The following R3HDM2 variants were observed in gnomAD, a reference collection of about 807,000 sequenced individuals.
R3HDM2 encodes the protein R3H domain containing 2.
R3HDM2 carries 38 observed loss-of-function variants against 124.5 expected under a neutral mutation model. The observed-to-expected ratio is 0.31, with a 90% CI of 0.24 to 0.40. The LOEUF is 0.40. Ranked by LOEUF, R3HDM2 falls within the 10% of genes least tolerant of loss-of-function variation. The probability of loss-of-function intolerance (pLI) is 1.00; values close to 1 mark genes in which losing one functional copy is unlikely to be tolerated. For missense variants in R3HDM2, 869 were observed against 1,236.9 expected, an observed-to-expected ratio of 0.70 and a Z score of 4.46; for synonymous variants, 391 against 448.0, an observed-to-expected ratio of 0.87 and a Z score of 1.61.
Position 57,277,623 on chromosome 12 carries a change from T to C in R3HDM2, c.1344+2735A>G, listed in dbSNP as rs113339727. ...CCACCACACCCAGCTAATTTCTGTA[T>C]TTTTAGTAGAGACGTTGTTTCACCA... On this transcript the variant is annotated intron_variant, in intron 14 of 23. Coordinates refer to ENST00000402412, the MANE Select transcript of R3HDM2 (RefSeq NM_001394031.1). Among the ~76,000 whole-genome samples the C allele has an allele frequency of 1.1e-3, 173 of 152,258 alleles. 3 individuals are homozygous for C. The highest frequency in any genetic ancestry group is 0.011 in the East Asian group (56 of 5,182).
intron 2 of R3HDM2, among the ~76,000 whole-genome samples, chr12:57,370,269 C>T (rs2063158455): frequency 6.6e-6 from 1 of 152,116 alleles, no homozygotes; most frequent in Non-Finnish European, 1.5e-5. Flanking sequence ...ACATACATGC[C>T]TGCTTCCCTT....
chr12:57,288,064 G>A (rs900054389), intron 12 of R3HDM2, among the ~76,000 whole-genome samples: 12 of 147,772 alleles, frequency 8.1e-5, no homozygotes, highest in Admixed American at 1.4e-4. Context: ...TGCTCAGGCC[G>A]GATGGAGTGC....
At chr12:57,420,630 C>T (rs183969929) in intron 1 of R3HDM2, among the ~76,000 whole-genome samples, 1 of 151,374 alleles carries the variant, frequency 6.6e-6, no homozygotes, top group Non-Finnish European at 1.5e-5. Flanking sequence ...ATTGGGATTA[C>T]GGGCGTGAGC....
At chr12:57,408,701 T>C (rs994176581) in intron 1 of R3HDM2, among the ~76,000 whole-genome samples, 5 of 152,104 alleles carry the variant, frequency 3.3e-5, no homozygotes, top group Non-Finnish European at 5.9e-5. Context: ...AAATTTTCCA[T>C]AGTAAAATGT....
intron 14 of R3HDM2, among the ~76,000 whole-genome samples, chr12:57,273,048 T>C (rs1490314548): frequency 6.6e-6 from 1 of 152,116 alleles, no homozygotes; most frequent in African/African-American, 2.4e-5. Flanking sequence ...GCTCAGCTGC[T>C]CCTGATTTCA....
chr12:57,330,575 C>T (rs376739347), intron 2 of R3HDM2, among the ~76,000 whole-genome samples: 2 of 150,774 alleles, frequency 1.3e-5, no homozygotes, highest in South Asian at 4.2e-4. Context: ...GAACTCCTGA[C>T]CTCAGGTGAT....
At position 57,338,514 on chromosome 12, in the gene R3HDM2, C is replaced by T. The variant is rs1025505179; in HGVS notation, c.-35-28051G>A. On this transcript the variant is annotated intron_variant, in intron 2 of 23. Transcript: ENST00000402412. Reference sequence around the variant, plus strand: ...AAGTGATCCTCCTGCCTCAGCCTCCCGAGTAACTGGGACTACAGGCGTGAG... The same window carrying T: ...AAGTGATCCTCCTGCCTCAGCCTCCTGAGTAACTGGGACTACAGGCGTGAG... 9.9e-5 allele frequency among the ~76,000 whole-genome samples: 15 copies of T among 152,120 alleles called. 1 individual carries two copies. Among genetic ancestry groups the T allele is most frequent in the Admixed American group, 5.2e-4 (8 of 15,270 alleles).
At chr12:57,312,305 A>ATT (rs201583405) in intron 2 of R3HDM2, among the ~76,000 whole-genome samples, 7 of 133,098 alleles carry the variant, frequency 5.3e-5, no homozygotes, top group Admixed American at 7.7e-5. Context: ...CTGCTTTGTG[A>ATT]TTTTTTTTTT....
At chr12:57,388,163 C>T (rs888965460) in intron 2 of R3HDM2, among the ~76,000 whole-genome samples, 11 of 151,794 alleles carry the variant, frequency 7.2e-5, no homozygotes, top group African/African-American at 2.4e-4. Flanking sequence ...TGGGGTTTCA[C>T]CATGTTGGCC....
rs972659374 is a variant in R3HDM2, at chr12:57,278,676, G to A, written c.1344+1682C>T. Among the ~76,000 whole-genome samples, 4 of 152,298 alleles carry A rather than the reference G, an allele frequency of 2.6e-5. No homozygotes were observed. The East Asian group carries it at 5.8e-4, about 22-fold the overall frequency. The stretch of plus-strand genomic sequence containing the variant: ...TCAGTAGGGAGCAAGGTAAACTGAA[G>A]TGAACGAGACTTACTGGGGTAGATG... On this transcript the variant is annotated intron_variant, in intron 14 of 23. Coordinates refer to ENST00000402412, the MANE Select transcript of R3HDM2 (RefSeq NM_001394031.1).
chr12:57,405,598 C>T (rs1467623415), intron 1 of R3HDM2, among the ~76,000 whole-genome samples: 1 of 152,126 alleles, frequency 6.6e-6, no homozygotes, highest in Non-Finnish European at 1.5e-5. Context: ...CACACCACTG[C>T]ACTACAGCCT....
chr12:57,396,929 T>TA (rs2067600726), intron 1 of R3HDM2, among the ~76,000 whole-genome samples: 1 of 151,944 alleles, frequency 6.6e-6, no homozygotes, highest in South Asian at 2.1e-4. Flanking sequence ...CCATCTCTAC[T>TA]AAAAATACAA....
At position 57,296,958 on chromosome 12, in the gene R3HDM2, G is replaced by T. The variant is rs757529727; in HGVS notation, c.560+370C>A. The T allele has an allele frequency of 9.2e-6, 2 of 218,104 alleles. No individual in the cohort carries two copies. The highest frequency in any genetic ancestry group is 1.8e-5 in the Non-Finnish European group (2 of 110,062). The allele number at this position is 218,104 out of a possible 1,614,324, so 13.5% of individuals were successfully genotyped here. On this transcript the variant is annotated intron_variant, in intron 8 of 23. Coordinates refer to ENST00000402412, the MANE Select transcript of R3HDM2 (RefSeq NM_001394031.1). This position sits in a 1 kb window ranked among gnomAD's most constrained non-coding sequence, Gnocchi z 4.5. ...GTCATCCCAGCTACTCAATGGCTGA[G>T]GCACAAGAATCACTTGAACCCAGGA...
chr12:57,398,245 C>A (rs2067749859), intron 1 of R3HDM2, among the ~76,000 whole-genome samples: 1 of 151,882 alleles, frequency 6.6e-6, no homozygotes, highest in African/African-American at 2.4e-5. Flanking sequence ...TATTTTATTA[C>A]CTTGTTCGTA....
At chr12:57,342,495 G>C (rs963939918) in intron 2 of R3HDM2, among the ~76,000 whole-genome samples, 2 of 148,974 alleles carry the variant, frequency 1.3e-5, no homozygotes, top group Non-Finnish European at 3.0e-5. Flanking sequence ...GGCACACACA[G>C]ACACACACAC....
chr12:57,268,418 G>A lies in R3HDM2; in HGVS notation c.1915C>T (p.Pro639Ser), dbSNP rs1369341190. 6.2e-7 allele frequency: 1 copy of A among 1,613,984 alleles called. No homozygotes were observed. The highest frequency in any genetic ancestry group is 8.5e-7 in the Non-Finnish European group (1 of 1,180,028). The change falls in exon 18 of 24, where the codon CCT becomes TCT. Residue 639 changes from proline to serine, a missense_variant. Physicochemically the swap from Pro to Ser is moderately conservative, Grantham distance 74 (BLOSUM62 -1). Coordinates refer to ENST00000402412, the MANE Select transcript of R3HDM2 (RefSeq NM_001394031.1). ...GGGACCAGCATGGGTTGCTGGAAAG[G>A]CGGCTGGACCACATTTTGCGAGTCA... ...GSDSQNVVQP[P>S]FQQPMLVPVS...
chr12:57,256,216 CGACTGAG>C, intron 22 of R3HDM2, 142 bp from the exon 23 acceptor site: 2 of 941,718 alleles, frequency 2.1e-6, no homozygotes, highest in Non-Finnish European at 3.3e-6. Flanking sequence ...CATGGAGCAG[CGACTGAG>C]AAACAAAGAG....
intron 1 of R3HDM2, chr12:57,430,419 C>G (rs1869508256): frequency 1.5e-6 from 1 of 672,626 alleles, no homozygotes; most frequent in Non-Finnish European, 1.8e-6. Flanking sequence ...AGCTAGCCAC[C>G]CCGAAGCACT....
intron 14 of R3HDM2, chr12:57,272,347 C>T: frequency 1.0e-6 from 1 of 977,378 alleles, no homozygotes; most frequent in Non-Finnish European, 1.6e-6. Context: ...TCAATATGCC[C>T]TCCAAAAGCA....
Sources: allele counts gnomAD v4.1 joint callset (sites outside exome capture counted in the v4.1 genomes callset), GRCh38; gene constraint gnomAD v4.1.1; non-coding constraint Gnocchi (gnomAD v3.1); transcripts MANE v1.5; gene names NCBI Gene and HGNC (gene_info 2026-07-23, HGNC 2026-07-21).